Variants in PCDH7 observed in about 807,000 individuals in gnomAD.
PCDH7 encodes protocadherin-7.
In PCDH7, 17 loss-of-function variants were observed where a neutral mutation model predicts 58.9. The ratio of observed to expected loss-of-function variants is 0.29; its 90% CI spans 0.20 to 0.43. PCDH7 has a LOEUF of 0.43. PCDH7 is among the 20% of genes least tolerant of loss of function. PCDH7 has a pLI of 1.00. For missense variants in PCDH7, 1,274 were observed against 1,441.0 expected, an observed-to-expected ratio of 0.88 and a Z score of 1.88; for synonymous variants, 664 against 616.4, an observed-to-expected ratio of 1.08 and a Z score of -1.14.
At chr4:31,123,067 T>C (rs1214967141) in intron 3 of PCDH7, among the ~76,000 whole-genome samples, 3 of 152,064 alleles carry the variant, frequency 2.0e-5, no homozygotes, top group Non-Finnish European at 4.4e-5. Context: ...TTTGTTAATT[T>C]TAATACTTTT....
At chr4:30,806,814 C>A (rs542962849) in intron 1 of PCDH7, among the ~76,000 whole-genome samples, 2 of 152,074 alleles carry the variant, frequency 1.3e-5, no homozygotes, top group South Asian at 4.1e-4. Context: ...TCAGTCCCTG[C>A]CCCAACCTTA....
chr4:31,078,484 C>CT (rs999880241), intron 3 of PCDH7, among the ~76,000 whole-genome samples: 4,332 of 142,836 alleles, frequency 0.03, 188 homozygotes, highest in African/African-American at 0.1. Flanking sequence ...TTTCTTTTTT[C>CT]TTTTTTTTTT....
At chr4:30,724,383 C>T (rs375126114) in exon 1 of PCDH7, 123 of 1,613,846 alleles carry the variant, frequency 7.6e-5, no homozygotes, top group Non-Finnish European at 9.5e-5. Context: ...ATGGTGGGCC[C>T]GGCAGTCCTG....
intron 3 of PCDH7, among the ~76,000 whole-genome samples, chr4:30,980,157 T>A (rs1237264496): frequency 6.6e-6 from 1 of 152,162 alleles, no homozygotes; most frequent in Non-Finnish European, 1.5e-5. Flanking sequence ...ATAGAGTGCC[T>A]ATATTCACTT....
chr4:31,069,178 A>G (rs1212160515), intron 3 of PCDH7, among the ~76,000 whole-genome samples: 3 of 152,018 alleles, frequency 2.0e-5, no homozygotes, highest in Admixed American at 2.0e-4. Context: ...TTAGGGATAA[A>G]TGAAGGTTTT....
At position 30,960,112 on chromosome 4, in the gene PCDH7, G is replaced by GGGAAGGAAGGAAGGAA. The variant is rs796354089; in HGVS notation, c.*7+9924_*7+9939dup. 1.9e-3 allele frequency among the ~76,000 whole-genome samples: 128 copies of GGGAAGGAAGGAAGGAA among 65,778 alleles called. 6 individuals carry two copies. The highest frequency in any genetic ancestry group is 7.8e-3 in the Middle Eastern group (1 of 128). 43.2% of individuals were successfully genotyped at this position (65,778 alleles called of 152,430 possible). ...AAGGAAGGAAGGAAGAAAGGAAGGA[G>GGGAAGGAAGGAAGGAA]GGAAGGAAGGAAGGAAGGAAGGAAG... On this transcript the variant is annotated intron_variant, in intron 3 of 3. Coordinates refer to the PCDH7 transcript ENST00000509759.
intron 1 of PCDH7, among the ~76,000 whole-genome samples, chr4:30,916,918 T>G (rs2109411365): frequency 6.6e-6 from 1 of 152,314 alleles, no homozygotes; most frequent in African/African-American, 2.4e-5. Flanking sequence ...TATTGGCATT[T>G]GTTTTTTTCA....
intron 3 of PCDH7, among the ~76,000 whole-genome samples, chr4:30,979,285 C>A (rs180719902): frequency 1.0e-3 from 152 of 146,178 alleles, no homozygotes; most frequent in African/African-American, 3.7e-3. Flanking sequence ...GAGGTGGTGC[C>A]ACTGCACTCC....
At chr4:31,004,828 G>T (rs368601133) in intron 3 of PCDH7, among the ~76,000 whole-genome samples, 3 of 152,114 alleles carry the variant, frequency 2.0e-5, no homozygotes, top group African/African-American at 7.2e-5. Flanking sequence ...GAAAACAGAA[G>T]CACAGAGTGA....
At chr4:31,055,917 A>T (rs1454724264) in intron 3 of PCDH7, among the ~76,000 whole-genome samples, 1 of 152,092 alleles carries the variant, frequency 6.6e-6, no homozygotes, top group African/African-American at 2.4e-5. Context: ...AAGTATTCTC[A>T]CAGAAGACTC....
intron 3 of PCDH7, among the ~76,000 whole-genome samples, chr4:30,956,531 A>G (rs1747881549): frequency 6.6e-6 from 1 of 152,178 alleles, no homozygotes; most frequent in South Asian, 2.1e-4. Flanking sequence ...TTTGAATGCT[A>G]CTTCTTTATT....
chr4:30,721,822 C>A lies in PCDH7; in HGVS notation c.400C>A (p.Leu134Ile). The change falls in exon 1 of 2, where the codon CTT becomes ATT. Residue 134 changes from leucine (L) to isoleucine (I), a missense_variant. Transcript: ENST00000361762. This position sits in a 1 kb window ranked among gnomAD's most constrained non-coding sequence, Gnocchi z 6.7. ...CCTGTTTGAGGGTCAGGTCATCGTG[C>A]TTGACATCAACGACAACACGCCCAC... 6.2e-7 allele frequency: 1 copy of A among 1,611,758 alleles called. No homozygotes were observed. Among genetic ancestry groups the A allele is most frequent in the Non-Finnish European group, 8.5e-7 (1 of 1,179,224 alleles).
chr4:31,135,076 C>T (rs1719434888), intron 3 of PCDH7, among the ~76,000 whole-genome samples: 1 of 152,078 alleles, frequency 6.6e-6, no homozygotes, highest in African/African-American at 2.4e-5. Context: ...TGCTGAATGG[C>T]TGTTTTGTTT....
chr4:31,036,739 T>C (rs1024193964), intron 3 of PCDH7, among the ~76,000 whole-genome samples: 1 of 152,176 alleles, frequency 6.6e-6, no homozygotes, highest in African/African-American at 2.4e-5. Context: ...GAAAATTCCA[T>C]ACCTGTATTA....
chr4:31,108,085 A>G (rs1382916063), intron 3 of PCDH7, among the ~76,000 whole-genome samples: 1 of 152,086 alleles, frequency 6.6e-6, no homozygotes, highest in African/African-American at 2.4e-5. Flanking sequence ...GGACATTTCT[A>G]TGTCACTGAT....
At chr4:30,957,553 T>C (rs1747984204) in intron 3 of PCDH7, among the ~76,000 whole-genome samples, 1 of 152,162 alleles carries the variant, frequency 6.6e-6, no homozygotes, top group South Asian at 2.1e-4. Flanking sequence ...TTTCTCTATA[T>C]TTATAATAGG....
chr4:30,858,683 C>A (rs911363896), intron 1 of PCDH7, among the ~76,000 whole-genome samples: 2 of 152,118 alleles, frequency 1.3e-5, no homozygotes, highest in Admixed American at 6.5e-5. Flanking sequence ...GCAAGAGTAG[C>A]AAAAGCCTGT....
At chr4:30,785,574 T>C (rs918342382) in intron 1 of PCDH7, among the ~76,000 whole-genome samples, 6 of 152,070 alleles carry the variant, frequency 3.9e-5, no homozygotes, top group Admixed American at 2.0e-4. Context: ...TTTATACAGC[T>C]AATATTGATA....
intron 1 of PCDH7, among the ~76,000 whole-genome samples, chr4:30,747,334 CT>C (rs1157244121): frequency 6.6e-6 from 1 of 152,126 alleles, no homozygotes; most frequent in Non-Finnish European, 1.5e-5. Context: ...CCCATTGCCC[CT>C]GTAACAAATT....
Sources: gnomAD v4.1 joint callset for allele counts (sites outside exome capture counted in the v4.1 genomes callset) on GRCh38, gnomAD v4.1.1 for gene constraint, Gnocchi (gnomAD v3.1) non-coding constraint, MANE v1.5 for transcripts, NCBI Gene and HGNC (gene_info 2026-07-23, HGNC 2026-07-21) for gene names.